The following ZAN variants were observed in gnomAD, a reference collection of about 807,000 sequenced individuals.
ZAN encodes the protein zonadhesin (gene/pseudogene).
In ZAN, 260 loss-of-function variants were observed where a neutral mutation model predicts 286.2. The observed-to-expected ratio is 0.91, with a 90% CI of 0.82 to 1.01. The LOEUF (loss-of-function observed/expected upper bound fraction) is 1.01, where lower values mean the gene tolerates loss of function less well. ZAN is among the 50% of genes least tolerant of loss of function. ZAN has a pLI of 0.00. For missense variants in ZAN, 3,410 were observed against 3,639.2 expected (o/e 0.94, Z 1.62); for synonymous variants, 1,368 against 1,417.5 (o/e 0.97, Z 0.79).
rs140936956 is a variant in ZAN at position 100,758,043 on chromosome 7, G to A, written c.3310-159G>A. Among the ~76,000 whole-genome samples, 27 of 151,300 alleles carry A rather than the reference G, an allele frequency of 1.8e-4. 1 individual carries two copies. Among genetic ancestry groups the A allele is most frequent in the African/African-American group, 6.1e-4 (25 of 41,200 alleles). On this transcript the variant is annotated intron_variant, in intron 15 of 47. Transcript: ENST00000613979. ...CAAGGCTGCAGTGAGCCATGATTGC[G>A]CCACTGCACTCCAGCTTGGGCAACA... is the stretch of plus-strand genomic sequence containing the variant.
At chr7:100,790,317 C>G (rs1248575517) in intron 39 of ZAN, among the ~76,000 whole-genome samples, 1 of 151,890 alleles carries the variant, frequency 6.6e-6, no homozygotes, top group African/African-American at 2.4e-5. Flanking sequence ...AATCCCAGCA[C>G]TTTGGGAGGC....
In ZAN at chr7:100,751,996, G is replaced by A. The variant is rs771101031; in HGVS notation, c.1891G>A (p.Glu631Lys). 79 of 1,612,674 alleles carry A rather than the reference G, an allele frequency of 4.9e-5. No homozygotes were observed. Among genetic ancestry groups the A allele is most frequent in the Non-Finnish European group, 6.6e-5 (78 of 1,179,584 alleles). The part of the protein sequence containing the change: ...IPSEKPTILT[E>K]KPTIPSEKPT... Reference sequence around the variant, plus strand: ...CTCAGAAAAACCCACCATCCTCACAGAAAAACCCACCATTCCCTCAGAAAA... The same window carrying A: ...CTCAGAAAAACCCACCATCCTCACAAAAAAACCCACCATTCCCTCAGAAAA... Residue 631 changes from glutamate to lysine, a missense_variant, in exon 14 of 48, where the codon GAA becomes AAA. Glu to Lys is a moderately conservative substitution (Grantham distance 56). Coordinates refer to ENST00000613979, the MANE Select transcript of ZAN (RefSeq NM_003386.3).
intron 33 of ZAN, 99 bp from the exon 34 acceptor site, chr7:100,776,341 G>A: frequency 7.9e-7 from 1 of 1,260,328 alleles, no homozygotes; most frequent in Non-Finnish European, 1.1e-6. Context: ...AGGGAGGGAG[G>A]GAGGAAAACT....
intron 7 of ZAN, among the ~76,000 whole-genome samples, chr7:100,743,148 C>T (rs1207478994): frequency 6.6e-6 from 1 of 151,066 alleles, no homozygotes; most frequent in Non-Finnish European, 1.5e-5. Context: ...CTCAGCCTCC[C>T]GAGTAGCTGG....
In ZAN at chr7:100,786,013, T is replaced by C; in HGVS notation, c.6851T>C (p.Val2284Ala). 6.2e-7 allele frequency: 1 copy of C among 1,613,794 alleles called. No homozygotes were observed. The change falls in exon 37 of 48, where the codon GTC becomes GCC. Residue 2284 changes from valine to alanine, a missense_variant. This residue lies in a region of ZAN where 1,289 missense variants were observed against 1,314.3 expected (regional missense o/e 0.98). Coordinates refer to ENST00000613979, the MANE Select transcript of ZAN (RefSeq NM_003386.3). ...CTTCTACAGCTGGGCAAGAGCTGGG[T>C]CTCCAGCGGTTGCACGGAGAAGTGT... is the stretch of plus-strand genomic sequence containing the variant. The part of the protein sequence containing the change: ...GGSIPLGKSW[V>A]SSGCTEKCVC...
rs552182725 is a variant in ZAN at position 100,790,988 on chromosome 7, C to T, written c.7404C>T (p.Cys2468=). 18 of 1,611,654 alleles carry T rather than the reference C, an allele frequency of 1.1e-5. No individual in the cohort carries two copies. Among genetic ancestry groups the T allele is most frequent in the African/African-American group, 1.1e-4 (8 of 74,882 alleles). Residue 2468 remains cysteine (C), a synonymous_variant, in exon 40 of 48, where the codon TGC becomes TGT. Transcript: ENST00000613979. Reference sequence around the variant, plus strand: ...ACGAGGGGCTTGTGAGTGGCCTGTGCGGAAACTACGACAAGAACCGCAAGA... The same window carrying T: ...ACGAGGGGCTTGTGAGTGGCCTGTGTGGAAACTACGACAAGAACCGCAAGA... ...SMYEGLVSGL[C]GNYDKNRKND...
chr7:100,767,798 A>C (rs553009472), intron 25 of ZAN, 33 bp from the exon 26 acceptor site: 1 of 1,591,686 alleles, frequency 6.3e-7, no homozygotes. Flanking sequence ...TTCTTTCCTG[A>C]CTCTCCTTTC....
In ZAN at chr7:100,751,738, G is replaced by A. The variant is rs765211871; in HGVS notation, c.1633G>A (p.Val545Ile). Reference protein sequence around the residue: ...PVKVLPELPPVSPVSSTGPSE... With the variant: ...PVKVLPELPPISPVSSTGPSE... ...AAAAGTGCTACCAGAGCTTCCTCCC[G>A]TATCTCCAGTTTCTTCCACTGGCCC... The change falls in exon 14 of 48, where the codon GTA becomes ATA. Residue 545 changes from valine to isoleucine, a missense_variant. By Grantham distance (29) the Val-to-Ile change is conservative. Around this residue, in one of 7 missense-constraint regions of ZAN, gnomAD observed 872 missense variants for 938.9 expected, o/e 0.93. Transcript: ENST00000613979. The A allele has an allele frequency of 1.4e-5, 23 of 1,587,594 alleles. No individual in the cohort carries two copies. Among genetic ancestry groups the A allele is most frequent in the East Asian group, 4.5e-5 (2 of 44,750 alleles).
chr7:100,760,555 C>T lies in ZAN; in HGVS notation c.3842+19C>T, dbSNP rs542320425. On this transcript the variant is annotated intron_variant, in intron 19 of 47. Transcript: ENST00000613979. The stretch of plus-strand genomic sequence containing the variant: ...TGTCCAGGTAAGGCAGTGTCCCAGC[C>T]AGGCAGCTGCCACTTCTTCCTGCTG... 6.2e-7 allele frequency: 1 copy of T among 1,609,468 alleles called. No homozygotes were observed. The highest frequency in any genetic ancestry group is 2.2e-5 in the East Asian group (1 of 44,730).
rs553966447 is a variant in ZAN, at chr7:100,775,365, C to T, written c.5817C>T (p.Tyr1939=). 24 of 1,613,552 alleles carry T rather than the reference C, an allele frequency of 1.5e-5. No individual in the cohort carries two copies. Among genetic ancestry groups the T allele is most frequent in the Middle Eastern group, 1.6e-4 (1 of 6,084 alleles). ...GVCQLPGESH[Y]VSFDGSNHSI... ...GTCAGCTCCCAGGGGAGTCCCACTACGTGAGCTTTGATGGTAGTAACCATT... is the reference window on the plus strand; with the variant it reads ...GTCAGCTCCCAGGGGAGTCCCACTATGTGAGCTTTGATGGTAGTAACCATT... The change falls in exon 32 of 48, where the codon TAC becomes TAT. Residue 1939 remains tyrosine, a synonymous_variant. Transcript: ENST00000613979.
chr7:100,793,924 G>C lies in ZAN; in HGVS notation c.7892G>C (p.Gly2631Ala), dbSNP rs756780587. 1.6e-5 allele frequency: 26 copies of C among 1,613,842 alleles called. No individual in the cohort carries two copies. The highest frequency in any genetic ancestry group is 2.1e-5 in the Non-Finnish European group (25 of 1,179,888). Residue 2631 changes from glycine to alanine, a missense_variant, in exon 43 of 48, where the codon GGA becomes GCA. By Grantham distance (60) the Gly-to-Ala change is moderately conservative (BLOSUM62 0). This residue lies in a region of ZAN where 1,289 missense variants were observed against 1,314.3 expected (regional missense o/e 0.98). Coordinates refer to ENST00000613979, the MANE Select transcript of ZAN (RefSeq NM_003386.3). ...CGGGGACTGCGAGGGCCCCTGCGTG[G>C]AAGGCTGCGCCAGCATCCCAGGCTA... ...RPRGLRGPLR[G>A]RLRQHPRLCL...
At chr7:100,773,933 C>T in intron 31 of ZAN, 68 bp downstream of exon 31, 11 of 1,535,314 alleles carry the variant, frequency 7.2e-6, no homozygotes, top group Non-Finnish European at 7.9e-6. Flanking sequence ...CCCCAACAGA[C>T]TCCCTGCTGC....
chr7:100,758,933 T>TA (rs368640554), intron 17 of ZAN, among the ~76,000 whole-genome samples: 75 of 150,072 alleles, frequency 5.0e-4, no homozygotes, highest in African/African-American at 1.8e-3. Context: ...AAAAAAAAAT[T>TA]AAAAATCAGG....
At chr7:100,768,234 G>A (rs367851417) in intron 26 of ZAN, among the ~76,000 whole-genome samples, 1 of 152,218 alleles carries the variant, frequency 6.6e-6, no homozygotes, top group Non-Finnish European at 1.5e-5. Context: ...CACTTTGAGA[G>A]CCCGAGGAGG....
chr7:100,762,744 CT>C (rs540403384), intron 20 of ZAN, among the ~76,000 whole-genome samples: 148 of 142,216 alleles, frequency 1.0e-3, no homozygotes, highest in African/African-American at 1.4e-3. Flanking sequence ...TCCACCCGCC[CT>C]TTTTTTTTTT....
intron 38 of ZAN, among the ~76,000 whole-genome samples, chr7:100,788,780 C>A (rs945028877): frequency 6.6e-6 from 1 of 152,034 alleles, no homozygotes; most frequent in African/African-American, 2.4e-5. Context: ...CTCACTGCAA[C>A]CTCCACCTCC....
In ZAN at chr7:100,789,809, G is replaced by T. The variant is rs569748720; in HGVS notation, c.7357+462G>T. The stretch of plus-strand genomic sequence containing the variant: ...AAAATACAAAAATTAGCTGGGTGTG[G>T]TGGTGGGCGCCTGTAATCCCAGCTA... On this transcript the variant is annotated intron_variant, in intron 39 of 47. Coordinates refer to ENST00000613979, the MANE Select transcript of ZAN (RefSeq NM_003386.3). 2.0e-5 allele frequency among the ~76,000 whole-genome samples: 3 copies of T among 152,206 alleles called. No homozygotes were observed. In the South Asian group the frequency reaches 6.2e-4, roughly 32 times the overall value.
chr7:100,780,232 T>A, intron 35 of ZAN, among the ~76,000 whole-genome samples: 1 of 151,694 alleles, frequency 6.6e-6, no homozygotes. Flanking sequence ...CTTGATAAAG[T>A]TGTGCAACCA....
At position 100,733,807 on chromosome 7, in the gene ZAN, T is replaced by C. The variant is rs573313239; in HGVS notation, c.-143+159T>C. Among the ~76,000 whole-genome samples, 125 of 141,812 alleles carry C rather than the reference T, an allele frequency of 8.8e-4. 16 individuals are homozygous for C. The highest frequency in any genetic ancestry group is 1.5e-3 in the Non-Finnish European group (97 of 63,286). The allele number at this position is 141,812 out of a possible 152,430, so 93.0% of individuals were successfully genotyped here. A position where few individuals can be genotyped will look rare whatever the true frequency, so the allele number is the denominator to read the frequency against. On this transcript the variant is annotated intron_variant, in intron 1 of 47. Coordinates refer to ENST00000613979, the MANE Select transcript of ZAN (RefSeq NM_003386.3). ...TATTTCAGTTCTGGATATTTTCTTG[T>C]GCGTTTTTCTTTTTAAAATAATAAT...
Sources: allele counts gnomAD v4.1 joint callset (sites outside exome capture counted in the v4.1 genomes callset), GRCh38; gene constraint gnomAD v4.1.1; regional missense constraint gnomAD v4.1.1; transcripts MANE v1.5; gene names NCBI Gene and HGNC (gene_info 2026-07-23, HGNC 2026-07-21).